The following HTRA3 variants were observed in gnomAD, a reference collection of about 807,000 sequenced individuals.
HTRA3 encodes serine protease HTRA3.
In HTRA3, 41 loss-of-function variants were observed where a neutral mutation model predicts 43.2. The ratio of observed to expected loss-of-function variants is 0.95; its 90% CI spans 0.74 to 1.23. The LOEUF (loss-of-function observed/expected upper bound fraction) is 1.23. Ranked by LOEUF, HTRA3 falls within the 50% of genes most tolerant of loss-of-function variation. HTRA3 has a pLI of 0.00. For synonymous variants in HTRA3, 295 were observed against 287.9 expected, an observed-to-expected ratio of 1.02 and a Z score of -0.25; for missense variants, 628 against 647.1, an observed-to-expected ratio of 0.97 and a Z score of 0.32.
chr4:8,277,326 G>A (rs1712568011), intron 1 of HTRA3, among the ~76,000 whole-genome samples: 1 of 152,324 alleles, frequency 6.6e-6, no homozygotes, highest in East Asian at 1.9e-4. Context: ...GGGGGCTGTT[G>A]AGGGGGCCCC....
At chr4:8,285,940 C>T (rs572692322) in intron 2 of HTRA3, among the ~76,000 whole-genome samples, 74 of 152,316 alleles carry the variant, frequency 4.9e-4, no homozygotes, top group African/African-American at 1.7e-3. Flanking sequence ...CTCAGCCCTC[C>T]CAGCACTCAC....
At chr4:8,305,662 G>A (rs1713814786) in intron 8 of HTRA3, among the ~76,000 whole-genome samples, 3 of 152,198 alleles carry the variant, frequency 2.0e-5, no homozygotes. Flanking sequence ...TTTCCACATA[G>A]GATGGTAGAC....
intron 2 of HTRA3, among the ~76,000 whole-genome samples, chr4:8,285,368 C>T (rs1328374345): frequency 1.3e-5 from 2 of 152,226 alleles, no homozygotes; most frequent in African/African-American, 4.8e-5. Flanking sequence ...TCGCTGCCAT[C>T]TCTGGTCCTG....
intron 1 of HTRA3, among the ~76,000 whole-genome samples, chr4:8,272,932 G>A (rs1330661838): frequency 2.0e-5 from 3 of 152,234 alleles, no homozygotes; most frequent in Admixed American, 6.5e-5. Flanking sequence ...CCCGGTGCAC[G>A]GGGACCTTGG....
chr4:8,304,575 C>T (rs1713766921), intron 8 of HTRA3, among the ~76,000 whole-genome samples: 1 of 151,584 alleles, frequency 6.6e-6, no homozygotes, highest in Non-Finnish European at 1.5e-5. Flanking sequence ...AGCTGGGGAC[C>T]AGCCTGGGTC....
chr4:8,302,742 A>T (rs1019129230), intron 7 of HTRA3, among the ~76,000 whole-genome samples: 1 of 152,242 alleles, frequency 6.6e-6, no homozygotes, highest in Non-Finnish European at 1.5e-5. Context: ...CATGGCTGCT[A>T]TAACAAATTA....
At chr4:8,303,497 G>T (rs1713732805) in intron 7 of HTRA3, among the ~76,000 whole-genome samples, 1 of 152,214 alleles carries the variant, frequency 6.6e-6, no homozygotes, top group Admixed American at 6.5e-5. Context: ...TTGAAGAAGG[G>T]AGAGGTCACT....
chr4:8,277,554 T>C (rs989881944), intron 1 of HTRA3, among the ~76,000 whole-genome samples: 2 of 152,198 alleles, frequency 1.3e-5, no homozygotes. Flanking sequence ...GAGGAGGCGC[T>C]GCTGGCCTGG....
chr4:8,304,329 C>A, intron 8 of HTRA3, 50 bp downstream of exon 8: 1 of 1,487,248 alleles, frequency 6.7e-7, no homozygotes, highest in South Asian at 1.2e-5. Context: ...GGCGTGAGGT[C>A]TGGGCTGGGG....
At chr4:8,281,518 A>C (rs11726756) in intron 1 of HTRA3, among the ~76,000 whole-genome samples, 57,140 of 152,132 alleles carry the variant, frequency 0.38, 11,133 homozygotes, top group Non-Finnish European at 0.41. Context: ...AATCTGTCTG[A>C]GGCCACACAG....
intron 3 of HTRA3, among the ~76,000 whole-genome samples, chr4:8,287,727 C>G (rs1713052826): frequency 6.6e-6 from 1 of 152,176 alleles, no homozygotes; most frequent in Non-Finnish European, 1.5e-5. Flanking sequence ...GGTGGCGACA[C>G]AGAGCCAAAC....
chr4:8,298,543 G>A (rs936294142), intron 6 of HTRA3, among the ~76,000 whole-genome samples: 4 of 151,298 alleles, frequency 2.6e-5, no homozygotes, highest in African/African-American at 4.9e-5. Context: ...TTTGTCATGC[G>A]TTTGGTGTTG....
intron 3 of HTRA3, among the ~76,000 whole-genome samples, chr4:8,290,892 G>A (rs149952283): frequency 1.3e-5 from 2 of 152,342 alleles, no homozygotes; most frequent in East Asian, 3.9e-4. Flanking sequence ...TCTACTGGGA[G>A]ATGAGATGGA....
intron 2 of HTRA3, among the ~76,000 whole-genome samples, chr4:8,285,853 G>T (rs554083532): frequency 1.4e-3 from 216 of 152,320 alleles, no homozygotes; most frequent in African/African-American, 5.0e-3. Context: ...GCATCTGCCT[G>T]CTGCCAGCAC....
chr4:8,296,972 G>A lies in HTRA3; in HGVS notation c.1051+2771G>A, dbSNP rs748849973. On this transcript the variant is annotated intron_variant, in intron 6 of 8. Transcript: ENST00000307358. This position sits in a 1 kb window ranked among gnomAD's most constrained non-coding sequence, Gnocchi z 5.3. ...GGTTCCTTAGTCTCAGAAGTCACAG[G>A]GTCCTGTGGTCTCAAAAACCGTAAG... Among the ~76,000 whole-genome samples the A allele has an allele frequency of 1.7e-4, 26 of 152,074 alleles. No homozygotes were observed. Among genetic ancestry groups the A allele is most frequent in the Non-Finnish European group, 3.2e-4 (22 of 68,010 alleles).
At chr4:8,274,949 T>C (rs1712458845) in intron 1 of HTRA3, among the ~76,000 whole-genome samples, 2 of 152,214 alleles carry the variant, frequency 1.3e-5, no homozygotes, top group Non-Finnish European at 2.9e-5. Flanking sequence ...TGATTTGTAA[T>C]CCTCTTAGCA....
intron 2 of HTRA3, among the ~76,000 whole-genome samples, chr4:8,285,807 C>T (rs1712937001): frequency 1.3e-5 from 2 of 152,244 alleles, no homozygotes; most frequent in Non-Finnish European, 2.9e-5. Context: ...TGTGCCTCTG[C>T]ACCCCTGCCC....
intron 3 of HTRA3, among the ~76,000 whole-genome samples, chr4:8,288,319 G>T (rs956070219): frequency 6.6e-6 from 1 of 152,178 alleles, no homozygotes; most frequent in Non-Finnish European, 1.5e-5. Flanking sequence ...TGTTGCCCAG[G>T]CTGGAGTGCA....
Position 8,300,671 on chromosome 4 carries a change from CTTTA to C in HTRA3, c.1052-1788_1052-1785del, listed in dbSNP as rs375861710. On this transcript the variant is annotated intron_variant, in intron 6 of 8. Transcript: ENST00000307358. ...AGTTTTATTGATCTTAAAGAATCAG[CTTTA>C]TTTTTTATTTTCACTATTGTGTTTC... is the stretch of plus-strand genomic sequence containing the variant. Among the ~76,000 whole-genome samples, 63 of 152,252 alleles carry C rather than the reference CTTTA, an allele frequency of 4.1e-4. No homozygotes were observed. The East Asian group carries it at 5.0e-3, about 12-fold the overall frequency.
Sources: allele counts gnomAD v4.1 joint callset (sites outside exome capture counted in the v4.1 genomes callset), GRCh38; gene constraint gnomAD v4.1.1; non-coding constraint Gnocchi (gnomAD v3.1); transcripts MANE v1.5; gene names NCBI Gene and HGNC (gene_info 2026-07-23, HGNC 2026-07-21).